NID1: variants seen among roughly 807,000 people sequenced by gnomAD.
The protein encoded by NID1 is nidogen 1.
Under a neutral mutation model 130.6 loss-of-function variants are expected in NID1, and 76 were observed. That is an observed-to-expected ratio of 0.58 (90% CI 0.48 to 0.70). NID1 has a LOEUF of 0.70. NID1 is among the 30% of genes least tolerant of loss of function. The pLI is 0.00. For synonymous variants in NID1, 665 were observed against 675.1 expected (o/e 0.98, Z 0.23); for missense variants, 1,517 against 1,664.8 (o/e 0.91, Z 1.54).
In NID1 at chr1:235,981,652, G is replaced by A; in HGVS notation, c.3186C>T (p.Asp1062=). The change falls in exon 16 of 20, where the codon GAC becomes GAT. Residue 1062 remains aspartate, a synonymous_variant. Transcript: ENST00000264187. ...TTACAATGCCTCTGGGATTCACCAAGTCAGTCTCAAAGAGCACCCGGCGCT... is the reference window on the plus strand; with the variant it reads ...TTACAATGCCTCTGGGATTCACCAAATCAGTCTCAAAGAGCACCCGGCGCT... ...GTQRRVLFET[D]LVNPRGIVTD... is the part of the protein sequence containing the mutation. 1 of 1,614,108 alleles carries A rather than the reference G, an allele frequency of 6.2e-7. No homozygotes were observed. Among genetic ancestry groups the A allele is most frequent in the Non-Finnish European group, 8.5e-7 (1 of 1,180,000 alleles).
chr1:236,017,177 T>C lies in NID1; in HGVS notation c.2225A>G (p.Tyr742Cys). 2 of 1,614,154 alleles carry C rather than the reference T, an allele frequency of 1.2e-6. No individual in the cohort carries two copies. Among genetic ancestry groups the C allele is most frequent in the Non-Finnish European group, 1.7e-6 (2 of 1,180,012 alleles). Residue 742 changes from tyrosine (Y) to cysteine (C), a missense_variant, in exon 10 of 20, where the codon TAC (tyrosine) becomes TGC (cysteine). Physicochemically the swap from Tyr to Cys is radical, Grantham distance 194. Around this residue, in one of 3 missense-constraint regions of NID1, gnomAD observed 1,329 missense variants for 1,429.2 expected, o/e 0.93. Coordinates refer to ENST00000264187, the MANE Select transcript of NID1 (RefSeq NM_002508.3). ...GTFRCECVEG[Y>C]QFSDEGTCVA... Reference sequence around the variant, plus strand: ...ACACGTTCCCTCATCTGAAAACTGGTAGCCCTCCACACACTCGCAGCGGAA... The same window carrying C: ...ACACGTTCCCTCATCTGAAAACTGGCAGCCCTCCACACACTCGCAGCGGAA...
chr1:236,064,496 C>T, intron 1 of NID1: 1 of 229,302 alleles, frequency 4.4e-6, no homozygotes. Context: ...CACCCGGGAC[C>T]GGCCAGGTCC....
chr1:236,037,043 A>G (rs1304391676), intron 5 of NID1, among the ~76,000 whole-genome samples: 1 of 152,190 alleles, frequency 6.6e-6, no homozygotes, highest in Non-Finnish European at 1.5e-5. Flanking sequence ...CCAGCCTCCC[A>G]GATGGTGCAC....
At chr1:235,994,800 G>A (rs1036089858) in intron 12 of NID1, among the ~76,000 whole-genome samples, 1 of 151,488 alleles carries the variant, frequency 6.6e-6, no homozygotes, top group African/African-American at 2.4e-5. Context: ...AGGTTCAAGC[G>A]ATTCTCCTGC....
rs367720627 is a variant in NID1 at position 236,029,794 on chromosome 1, C to T, written c.1538-44G>A. 1.5e-4 allele frequency: 242 copies of T among 1,594,762 alleles called. 1 individual carries two copies. The highest frequency in any genetic ancestry group is 1.8e-4 in the Non-Finnish European group (210 of 1,164,634). On this transcript the variant is annotated intron_variant, in intron 6 of 19. Transcript: ENST00000264187. ...CTGTCACTTTGCTGACTGGGGAGCG[C>T]GCCCTTCTGCCCGCCCCAGGCTCAC...
At chr1:236,014,064 C>A (rs1658511226) in intron 10 of NID1, among the ~76,000 whole-genome samples, 1 of 152,130 alleles carries the variant, frequency 6.6e-6, no homozygotes, top group Non-Finnish European at 1.5e-5. Flanking sequence ...CACTTGCCAC[C>A]AAGGAAGGAC....
At chr1:236,022,013 C>A (rs1658780228) in intron 9 of NID1, among the ~76,000 whole-genome samples, 1 of 152,108 alleles carries the variant, frequency 6.6e-6, no homozygotes, top group Admixed American at 6.5e-5. Flanking sequence ...TTCTTGTCTA[C>A]AAGAAAAGAG....
At chr1:235,982,392 C>A (rs1657463251) in intron 15 of NID1, among the ~76,000 whole-genome samples, 1 of 152,036 alleles carries the variant, frequency 6.6e-6, no homozygotes, top group African/African-American at 2.4e-5. Context: ...AGAGGGGAGG[C>A]AGTGGAAGAT....
chr1:236,017,398 T>G, intron 9 of NID1, 125 bp from the exon 10 acceptor site: 2 of 1,108,116 alleles, frequency 1.8e-6, no homozygotes, highest in Non-Finnish European at 2.5e-6. Flanking sequence ...TCTTTTTTTT[T>G]TTCCGAGATG....
chr1:236,062,737 T>C (rs1660075499), intron 1 of NID1, among the ~76,000 whole-genome samples: 1 of 152,018 alleles, frequency 6.6e-6, no homozygotes. Context: ...AAGTCACAGA[T>C]ATTTTCATAT....
chr1:236,051,481 C>A (rs1013531628), intron 1 of NID1, among the ~76,000 whole-genome samples: 1 of 152,204 alleles, frequency 6.6e-6, no homozygotes, highest in African/African-American at 2.4e-5. Flanking sequence ...GAGTGAAATG[C>A]AGACTTAACA....
intron 1 of NID1, among the ~76,000 whole-genome samples, chr1:236,063,806 C>T (rs74395140): frequency 6.6e-6 from 1 of 152,092 alleles, no homozygotes; most frequent in Admixed American, 6.6e-5. Flanking sequence ...AAAATAAAAG[C>T]GTTATACTGA....
intron 1 of NID1, among the ~76,000 whole-genome samples, chr1:236,062,296 A>T (rs891675903): frequency 6.6e-6 from 1 of 152,210 alleles, no homozygotes; most frequent in African/African-American, 2.4e-5. Context: ...TTTGTTGAAG[A>T]GAATGATAAT....
chr1:236,045,538 C>T lies in NID1; in HGVS notation c.671G>A (p.Gly224Asp), dbSNP rs763186963. The T allele has an allele frequency of 1.4e-5, 22 of 1,614,126 alleles. No homozygotes were observed. In the East Asian group the frequency reaches 4.9e-4, roughly 36 times the overall value. The stretch of plus-strand genomic sequence containing the variant: ...GCTCTTCCATAAGAATCCCACTGAA[C>T]CTTGACTGAATGCAACCACGGCAGG... ...QVPAVVAFSQ[G>D]SVGFLWKSNG... is the part of the protein sequence containing the mutation. The change falls in exon 3 of 20, where the codon GGT becomes GAT. Residue 224 changes from glycine (G) to aspartate (D), a missense_variant. This residue lies in a region of NID1 where 1,329 missense variants were observed against 1,429.2 expected (regional missense o/e 0.93). Coordinates refer to ENST00000264187, the MANE Select transcript of NID1 (RefSeq NM_002508.3).
chr1:236,012,254 GT>G (rs1399970179), intron 11 of NID1, among the ~76,000 whole-genome samples: 1 of 152,126 alleles, frequency 6.6e-6, no homozygotes, highest in African/African-American at 2.4e-5. Context: ...TGGCAGCAAT[GT>G]TTTCATGAAA....
At chr1:235,985,548 ATC>A (rs1657551224) in intron 14 of NID1, 43 bp from the exon 15 acceptor site, 2 of 1,608,244 alleles carry the variant, frequency 1.2e-6, no homozygotes, top group Admixed American at 1.7e-5. Flanking sequence ...ATCTACAAGC[ATC>A]TGATAGTGAG....
At chr1:236,051,334 G>C (rs938401257) in intron 1 of NID1, among the ~76,000 whole-genome samples, 18 of 140,412 alleles carry the variant, frequency 1.3e-4, no homozygotes, top group African/African-American at 4.5e-4. Context: ...TTCATTACTA[G>C]AGGAGAGTGC....
At chr1:236,023,981 GC>G in intron 9 of NID1, 88 bp downstream of exon 9, 1 of 1,535,754 alleles carries the variant, frequency 6.5e-7, no homozygotes, top group Non-Finnish European at 8.9e-7. Flanking sequence ...GTGCTTCCTT[GC>G]TGCACCCAGT....
rs1447524348 is a variant in NID1, at chr1:235,990,936, C to T, written c.2878G>A (p.Glu960Lys). The T allele has an allele frequency of 1.2e-6, 2 of 1,614,054 alleles. No individual in the cohort carries two copies. The highest frequency in any genetic ancestry group is 1.7e-6 in the Non-Finnish European group (2 of 1,180,046). ...TCTGTCTTCCTCATGGTATTTCCCT[C>T]CAGGGGCAGGCGCTCAATCTTCCCA... Reference protein sequence around the residue: ...QTGKIERLPLEGNTMRKTEAK... With the variant: ...QTGKIERLPLKGNTMRKTEAK... Residue 960 changes from glutamate to lysine, a missense_variant, in exon 14 of 20, where the codon GAG becomes AAG. Transcript: ENST00000264187.
Sources: gnomAD v4.1 joint callset for allele counts (sites outside exome capture counted in the v4.1 genomes callset) on GRCh38, gnomAD v4.1.1 for gene constraint, gnomAD v4.1.1 regional missense constraint, MANE v1.5 for transcripts, NCBI Gene and HGNC (gene_info 2026-07-23, HGNC 2026-07-21) for gene names.